The following FSCN2 variants were observed in gnomAD, a reference collection of about 807,000 sequenced individuals.
The protein encoded by FSCN2 is fascin actin-bundling protein 2, retinal.
A neutral mutation model predicts 37.8 loss-of-function variants in FSCN2; 46 were observed. The ratio of observed to expected loss-of-function variants is 1.22; its 90% CI spans 0.96 to 1.56. The LOEUF is 1.56. Ranked by LOEUF, FSCN2 falls within the 40% of genes most tolerant of loss-of-function variation. The pLI, the probability that FSCN2 is intolerant of heterozygous loss-of-function variation, is 0.00. For missense variants in FSCN2, 844 were observed against 730.4 expected (o/e 1.16, Z -1.79); for synonymous variants, 351 against 309.4 (o/e 1.13, Z -1.41).
chr17:81,535,942 T>TCACTG (rs2032863392), intron 2 of FSCN2, among the ~76,000 whole-genome samples: 2 of 148,402 alleles, frequency 1.3e-5, no homozygotes, highest in Non-Finnish European at 3.0e-5. Flanking sequence ...CCCACCACCA[T>TCACTG]CACTGCCTCG....
intron 1 of FSCN2, among the ~76,000 whole-genome samples, chr17:81,531,330 G>GTGATCT (rs1598573218): frequency 1.4e-5 from 1 of 69,434 alleles, no homozygotes; most frequent in Non-Finnish European, 2.8e-5. Flanking sequence ...GATGGTGGTG[G>GTGATCT]TGGTGATGGT....
the FSCN2 span, among the ~76,000 whole-genome samples, chr17:81,515,754 G>A: frequency 5.3e-5 from 8 of 152,256 alleles, no homozygotes; most frequent in Admixed American, 2.0e-4. Flanking sequence ...CCGGCTACTT[G>A]TCAGACAGAC....
At chr17:81,518,997 G>C in the FSCN2 span, 3 of 152,244 alleles carry the variant, frequency 2.0e-5, no homozygotes, top group Non-Finnish European at 4.4e-5. Flanking sequence ...GCGCCGCGGG[G>C]GCGGGCACAG....
upstream of FSCN2, among the ~76,000 whole-genome samples, chr17:81,526,223 G>A (rs1423766504): frequency 6.6e-6 from 1 of 152,246 alleles, no homozygotes; most frequent in East Asian, 1.9e-4. Flanking sequence ...GCCTGGCTGG[G>A]CGTTGGGGTG....
At chr17:81,535,830 TCCATCC>T (rs1417356054) in intron 2 of FSCN2, among the ~76,000 whole-genome samples, 1 of 49,240 alleles carries the variant, frequency 2.0e-5, no homozygotes, top group Non-Finnish European at 3.7e-5. Flanking sequence ...CATCCCCCTC[TCCATCC>T]CCATCCCCAT....
the FSCN2 span, among the ~76,000 whole-genome samples, chr17:81,516,889 T>C: frequency 6.8e-6 from 1 of 146,276 alleles, no homozygotes; most frequent in Admixed American, 6.7e-5. Flanking sequence ...GGTCTCTGCA[T>C]GTTTTGTCCA....
rs2032869716 is a variant in FSCN2, at chr17:81,536,157, C to A, written c.995C>A (p.Thr332Asn). 6.8e-6 allele frequency: 11 copies of A among 1,607,260 alleles called. No homozygotes were observed. The highest frequency in any genetic ancestry group is 9.3e-6 in the Non-Finnish European group (11 of 1,177,520). ...HATATQVSAN[T>N]MFEMEWRGRR... ...GCTGCTCCCTCCAGTTCTGCCAACA[C>A]CATGTTTGAGATGGAGTGGCGTGGC... is the stretch of plus-strand genomic sequence containing the variant. Residue 332 changes from threonine (T) to asparagine (N), a missense_variant, in exon 3 of 5, where the codon ACC becomes AAC. Physicochemically the swap from Thr to Asn is moderately conservative, Grantham distance 65. Transcript: ENST00000417245.
upstream of FSCN2, among the ~76,000 whole-genome samples, chr17:81,525,138 C>A (rs1243776115): frequency 6.6e-6 from 1 of 151,808 alleles, no homozygotes; most frequent in Non-Finnish European, 1.5e-5. Context: ...ATAAAAAGAA[C>A]CAGACGGCCA....
At chr17:81,524,369 C>T (rs1339491340), upstream of FSCN2, among the ~76,000 whole-genome samples, 1 of 152,206 alleles carries the variant, frequency 6.6e-6, no homozygotes, top group Admixed American at 6.5e-5. Context: ...CCCAAACAGC[C>T]TCTCACTGCC....
At chr17:81,530,663 G>C (rs567414118) in intron 1 of FSCN2, 1 of 502,548 alleles carries the variant, frequency 2.0e-6, no homozygotes, top group Admixed American at 2.1e-5. Context: ...CCCCCACCCT[G>C]ACGGATGTCC....
At chr17:81,524,572 G>A (rs1555669829), upstream of FSCN2, among the ~76,000 whole-genome samples, 1 of 152,202 alleles carries the variant, frequency 6.6e-6, no homozygotes, top group African/African-American at 2.4e-5. Context: ...TATCCCATGT[G>A]AGTGGTTGGT....
intron 1 of FSCN2, among the ~76,000 whole-genome samples, chr17:81,532,626 A>ATGATGG (rs1342574864): frequency 7.5e-6 from 1 of 133,220 alleles, no homozygotes; most frequent in Non-Finnish European, 1.6e-5. Context: ...GATAATGGTG[A>ATGATGG]TGATGGTGAT....
At chr17:81,536,544 TCCCAGGGCCCCCA>T in intron 3 of FSCN2, 65 bp from the exon 4 acceptor site, 1 of 1,577,872 alleles carries the variant, frequency 6.3e-7, no homozygotes. Context: ...GTGTGGCGTT[TCCCAGGGCCCCCA>T]CCCCGCCCGG....
upstream of FSCN2, among the ~76,000 whole-genome samples, chr17:81,525,768 A>G (rs1252243229): frequency 6.6e-6 from 1 of 152,196 alleles, no homozygotes; most frequent in Non-Finnish European, 1.5e-5. Flanking sequence ...CCGACATCCA[A>G]CAATCTCAGG....
chr17:81,517,764 C>A, the FSCN2 span, among the ~76,000 whole-genome samples: 16 of 151,128 alleles, frequency 1.1e-4, no homozygotes, highest in South Asian at 6.3e-4. Context: ...CCGGCCGCCC[C>A]CCCCCCCTCC....
chr17:81,536,871 C>G lies in FSCN2; in HGVS notation c.1274-4C>G. Reference sequence around the variant, plus strand: ...ACCCCCGCCGACGCCGTCCCGTCCCCCAGGCCGCGACGGAGGGTTCTGGTA... The same window carrying G: ...ACCCCCGCCGACGCCGTCCCGTCCCGCAGGCCGCGACGGAGGGTTCTGGTA... On this transcript the variant is annotated splice_polypyrimidine_tract_variant and splice_region_variant and intron_variant, in intron 4 of 4. Transcript: ENST00000417245. 1 of 1,567,370 alleles carries G rather than the reference C, an allele frequency of 6.4e-7. No individual in the cohort carries two copies. Among genetic ancestry groups the G allele is most frequent in the Non-Finnish European group, 8.6e-7 (1 of 1,156,234 alleles).
At chr17:81,525,424 T>TTAAAAAAAAAAAAAAAAAA (rs1555669986), upstream of FSCN2, among the ~76,000 whole-genome samples, 1 of 49,076 alleles carries the variant, frequency 2.0e-5, no homozygotes, top group Non-Finnish European at 4.4e-5. Flanking sequence ...AGACTCTGTC[T>TTAAAAAAAAAAAAAAAAAA]CAAAAAAAAA....
At chr17:81,524,733 G>A (rs2032296336), upstream of FSCN2, among the ~76,000 whole-genome samples, 1 of 129,104 alleles carries the variant, frequency 7.7e-6, no homozygotes, top group Non-Finnish European at 1.7e-5. Flanking sequence ...GTGGGACCCT[G>A]GAAATAGCCT....
chr17:81,523,210 TCGGGGAGGGG>T, the FSCN2 span, among the ~76,000 whole-genome samples: 1 of 152,118 alleles, frequency 6.6e-6, no homozygotes, highest in Non-Finnish European at 1.5e-5. Flanking sequence ...GAAGCTGCTT[TCGGGGAGGGG>T]CAGGGAGGGG....
Sources: gnomAD v4.1 joint callset for allele counts (sites outside exome capture counted in the v4.1 genomes callset) on GRCh38, gnomAD v4.1.1 for gene constraint, MANE v1.5 for transcripts, NCBI Gene and HGNC (gene_info 2026-07-23, HGNC 2026-07-21) for gene names.